The following TNR variants were observed in gnomAD, a reference collection of about 807,000 sequenced individuals.
TNR encodes the protein tenascin R.
A neutral mutation model predicts 150.4 loss-of-function variants in TNR; 45 were observed. The ratio of observed to expected loss-of-function variants is 0.30; its 90% CI spans 0.24 to 0.38. The LOEUF (loss-of-function observed/expected upper bound fraction) is 0.38, where lower values mean the gene tolerates loss of function less well. Among genes scored for constraint, TNR ranks in the 10% least tolerant of loss-of-function variants. The pLI, the probability that TNR is intolerant of heterozygous loss-of-function variation, is 1.00. For synonymous variants in TNR, 687 were observed against 678.4 expected (o/e 1.01, Z -0.20); for missense variants, 1,544 against 1,759.1 (o/e 0.88, Z 2.19).
At chr1:175,512,053 T>C (rs1362432460) in intron 2 of TNR, among the ~76,000 whole-genome samples, 1 of 152,182 alleles carries the variant, frequency 6.6e-6, no homozygotes, top group Non-Finnish European at 1.5e-5. Flanking sequence ...ACTTATGGTC[T>C]AGTAGGTCGA....
chr1:175,627,099 C>T (rs754281013), intron 1 of TNR, among the ~76,000 whole-genome samples: 1 of 152,214 alleles, frequency 6.6e-6, no homozygotes, highest in Non-Finnish European at 1.5e-5. Flanking sequence ...TTGTTTTAAG[C>T]CACAAAGTAA....
At chr1:175,499,637 G>A (rs1658644280) in intron 2 of TNR, among the ~76,000 whole-genome samples, 1 of 152,124 alleles carries the variant, frequency 6.6e-6, no homozygotes, top group Non-Finnish European at 1.5e-5. Flanking sequence ...GTTTTTCTGG[G>A]GAACAATGGC....
At chr1:175,535,631 T>A (rs1233593496) in intron 1 of TNR, among the ~76,000 whole-genome samples, 1 of 151,898 alleles carries the variant, frequency 6.6e-6, no homozygotes, top group African/African-American at 2.4e-5. Flanking sequence ...CGGCTAATTT[T>A]TTTTTTTTTT....
chr1:175,649,103 C>T (rs1051635811), intron 1 of TNR, among the ~76,000 whole-genome samples: 4 of 152,242 alleles, frequency 2.6e-5, no homozygotes, highest in East Asian at 1.9e-4. Flanking sequence ...TCCATGGCTG[C>T]CCACAGCATG....
chr1:175,683,854 G>A (rs1666111279), intron 1 of TNR, among the ~76,000 whole-genome samples: 1 of 152,214 alleles, frequency 6.6e-6, no homozygotes, highest in Non-Finnish European at 1.5e-5. Context: ...AGCTGACAAT[G>A]AAGCAGTCAG....
At chr1:175,418,461 T>C (rs1366754888) in intron 2 of TNR, among the ~76,000 whole-genome samples, 1 of 152,196 alleles carries the variant, frequency 6.6e-6, no homozygotes, top group Admixed American at 6.5e-5. Context: ...GAGTGGCTCA[T>C]GCTTGTAATC....
intron 1 of TNR, among the ~76,000 whole-genome samples, chr1:175,543,476 G>A (rs1382824231): frequency 1.3e-5 from 2 of 152,196 alleles, no homozygotes; most frequent in African/African-American, 4.8e-5. Context: ...AGCAGCCAGA[G>A]CCAGAGAGCA....
intron 1 of TNR, among the ~76,000 whole-genome samples, chr1:175,666,299 G>T (rs1341623320): frequency 1.3e-5 from 2 of 152,184 alleles, no homozygotes; most frequent in Non-Finnish European, 2.9e-5. Context: ...GGGTGTTGGT[G>T]CTTTCCCTTC....
At chr1:175,443,232 C>T (rs997593718) in intron 2 of TNR, among the ~76,000 whole-genome samples, 4 of 152,136 alleles carry the variant, frequency 2.6e-5, no homozygotes, top group Admixed American at 2.0e-4. Flanking sequence ...GTCCCTTCAG[C>T]GTTTACAACT....
At chr1:175,389,031 A>G (rs941731748) in intron 7 of TNR, among the ~76,000 whole-genome samples, 2 of 152,196 alleles carry the variant, frequency 1.3e-5, no homozygotes, top group Non-Finnish European at 2.9e-5. Context: ...TCTTTTACTA[A>G]TACTTTCTTA....
intron 1 of TNR, among the ~76,000 whole-genome samples, chr1:175,652,559 G>A (rs1259101306): frequency 6.6e-6 from 1 of 152,186 alleles, no homozygotes; most frequent in Admixed American, 6.5e-5. Flanking sequence ...CAGATCATGA[G>A]GGTGGACTTC....
At chr1:175,469,567 CAT>C (rs1657190534) in intron 2 of TNR, among the ~76,000 whole-genome samples, 1 of 151,792 alleles carries the variant, frequency 6.6e-6, no homozygotes, top group Non-Finnish European at 1.5e-5. Context: ...GGAAGAGACA[CAT>C]AAAAATGTGG....
intron 2 of TNR, among the ~76,000 whole-genome samples, chr1:175,451,061 C>T (rs753373257): frequency 6.6e-6 from 1 of 152,118 alleles, no homozygotes; most frequent in Non-Finnish European, 1.5e-5. Context: ...TCATTGCAAC[C>T]TTTTGTTTTA....
chr1:175,432,203 C>T (rs1200093781), intron 2 of TNR, among the ~76,000 whole-genome samples: 1 of 152,098 alleles, frequency 6.6e-6, no homozygotes, highest in Non-Finnish European at 1.5e-5. Flanking sequence ...CAACATCGAC[C>T]CTTGAGATGC....
chr1:175,707,280 T>C (rs543724084), intron 1 of TNR, among the ~76,000 whole-genome samples: 151 of 152,362 alleles, frequency 9.9e-4, no homozygotes, highest in Non-Finnish European at 8.7e-4. Flanking sequence ...TACATTTTCT[T>C]AATATACTCT....
chr1:175,709,390 G>A (rs1474148629), intron 1 of TNR, among the ~76,000 whole-genome samples: 11 of 151,678 alleles, frequency 7.3e-5, no homozygotes, highest in Non-Finnish European at 1.6e-4. Context: ...ATGCTGTCTA[G>A]GGCACATTCT....
chr1:175,696,217 G>GTTTTTTTTTTTTTTT (rs5778870), intron 1 of TNR, among the ~76,000 whole-genome samples: 1 of 40,460 alleles, frequency 2.5e-5, no homozygotes, highest in African/African-American at 7.6e-5. Flanking sequence ...CCTTCCTGTA[G>GTTTTTTTTTTTTTTT]TTTTTTTTTT....
At chr1:175,331,077 C>CTTTCTTTCCTTCCTT in intron 20 of TNR, among the ~76,000 whole-genome samples, 1 of 94,246 alleles carries the variant, frequency 1.1e-5, no homozygotes, top group Non-Finnish European at 2.3e-5. Context: ...TTCTTTCTTT[C>CTTTCTTTCCTTCCTT]CTTCTTTCTT....
chr1:175,433,427 TCTCA>T (rs1364222526), intron 2 of TNR, among the ~76,000 whole-genome samples: 2 of 152,208 alleles, frequency 1.3e-5, no homozygotes, highest in Non-Finnish European at 2.9e-5. Context: ...ATGTAGCATC[TCTCA>T]CTCTGTTCTC....
Sources: gnomAD v4.1 joint callset for allele counts (sites outside exome capture counted in the v4.1 genomes callset) on GRCh38, gnomAD v4.1.1 for gene constraint, MANE v1.5 for transcripts, NCBI Gene and HGNC (gene_info 2026-07-23, HGNC 2026-07-21) for gene names.